The following SAMMSON variants were observed in gnomAD, a reference collection of about 807,000 sequenced individuals.
The protein encoded by SAMMSON is long intergenic non-protein coding RNA 1212.
At chr3:70,199,301 C>T (rs932296055) in intron 4 of SAMMSON, among the ~76,000 whole-genome samples, 3 of 152,100 alleles carry the variant, frequency 2.0e-5, no homozygotes, top group African/African-American at 7.2e-5. Context: ...GGTTCAATTG[C>T]TCTTGCCAAT....
intron 4 of SAMMSON, among the ~76,000 whole-genome samples, chr3:70,160,550 T>C (rs2067610635): frequency 6.6e-6 from 1 of 152,112 alleles, no homozygotes; most frequent in Non-Finnish European, 1.5e-5. Context: ...CTTTGATCCA[T>C]ATGTCTGTCC....
intron 8 of SAMMSON, chr3:70,358,211 G>A (rs983793617): frequency 1.3e-5 from 2 of 151,912 alleles, no homozygotes; most frequent in Non-Finnish European, 2.9e-5. Flanking sequence ...CTACATTTTT[G>A]CCATTATCTT....
chr3:70,270,848 C>A (rs1701969235), intron 6 of SAMMSON, among the ~76,000 whole-genome samples: 1 of 151,962 alleles, frequency 6.6e-6, no homozygotes, highest in South Asian at 2.1e-4. Flanking sequence ...AACACATGGA[C>A]ACAGGGAGGG....
At chr3:70,017,221 A>C (rs1576097444) in intron 3 of SAMMSON, among the ~76,000 whole-genome samples, 1 of 152,206 alleles carries the variant, frequency 6.6e-6, no homozygotes, top group East Asian at 1.9e-4. Context: ...ACCCATGAGC[A>C]TGGAATGTTA....
At chr3:70,255,258 C>A (rs1015927076) in intron 6 of SAMMSON, among the ~76,000 whole-genome samples, 1 of 152,210 alleles carries the variant, frequency 6.6e-6, no homozygotes, top group East Asian at 1.9e-4. Context: ...ACCAATGACA[C>A]ATAAATTTTT....
At chr3:70,064,677 G>T (rs1368749935) in intron 3 of SAMMSON, among the ~76,000 whole-genome samples, 4 of 152,126 alleles carry the variant, frequency 2.6e-5, no homozygotes, top group Non-Finnish European at 5.9e-5. Flanking sequence ...GCTGTTAGAG[G>T]CAGGAGCAGA....
At chr3:70,219,062 A>C (rs1701439168) in intron 4 of SAMMSON, among the ~76,000 whole-genome samples, 1 of 152,192 alleles carries the variant, frequency 6.6e-6, no homozygotes, top group Non-Finnish European at 1.5e-5. Context: ...GGTTTAAAAA[A>C]ATTATTTCTA....
At chr3:70,240,299 C>G (rs1403717082) in intron 4 of SAMMSON, among the ~76,000 whole-genome samples, 5 of 151,582 alleles carry the variant, frequency 3.3e-5, no homozygotes, top group African/African-American at 7.3e-5. Context: ...GGAAAAAAAA[C>G]AGTAGCTAAG....
downstream of SAMMSON, among the ~76,000 whole-genome samples, chr3:70,393,775 C>G (rs1025697101): frequency 2.0e-5 from 3 of 152,022 alleles, no homozygotes; most frequent in Admixed American, 6.6e-5. Flanking sequence ...CCAAGCAGAG[C>G]AAACTCATAA....
At chr3:70,045,326 T>C (rs1213339791) in intron 3 of SAMMSON, among the ~76,000 whole-genome samples, 3 of 150,192 alleles carry the variant, frequency 2.0e-5, no homozygotes, top group South Asian at 2.1e-4. Context: ...GAATCACCCA[T>C]CGAAACAATT....
chr3:70,199,297 A>G (rs1165842724), intron 4 of SAMMSON, among the ~76,000 whole-genome samples: 2 of 152,086 alleles, frequency 1.3e-5, no homozygotes, highest in Admixed American at 6.5e-5. Flanking sequence ...TTTTGGTTCA[A>G]TTGCTCTTGC....
intron 4 of SAMMSON, among the ~76,000 whole-genome samples, chr3:70,164,043 A>C (rs1008811679): frequency 7.2e-5 from 11 of 152,020 alleles, no homozygotes; most frequent in African/African-American, 2.7e-4. Context: ...ATAAGAGTTG[A>C]TTAATTGGAG....
At chr3:70,176,128 C>A (rs1296787597) in intron 4 of SAMMSON, among the ~76,000 whole-genome samples, 3 of 152,008 alleles carry the variant, frequency 2.0e-5, no homozygotes, top group Non-Finnish European at 2.9e-5. Flanking sequence ...GTAAAAATCC[C>A]ATTTGTTCAC....
chr3:70,073,941 C>G (rs1391305092), intron 4 of SAMMSON, among the ~76,000 whole-genome samples: 2 of 151,966 alleles, frequency 1.3e-5, no homozygotes. Context: ...TTAGATGTGA[C>G]CTTGTAAGTA....
At chr3:70,013,206 T>G (rs904772701) in intron 2 of SAMMSON, among the ~76,000 whole-genome samples, 2 of 152,182 alleles carry the variant, frequency 1.3e-5, no homozygotes, top group African/African-American at 4.8e-5. Flanking sequence ...CGAATTTGTC[T>G]AGGTTTTGAC....
chr3:70,141,684 C>G (rs1360011961), intron 4 of SAMMSON, among the ~76,000 whole-genome samples: 1 of 152,170 alleles, frequency 6.6e-6, no homozygotes, highest in Non-Finnish European at 1.5e-5. Context: ...CAGTTTCAAA[C>G]ATATTATTTC....
chr3:70,366,680 G>C (rs9681834), intron 9 of SAMMSON, among the ~76,000 whole-genome samples: 1 of 150,932 alleles, frequency 6.6e-6, no homozygotes, highest in African/African-American at 2.4e-5. Context: ...ACATAACTTT[G>C]CAAATCAATT....
intron 4 of SAMMSON, among the ~76,000 whole-genome samples, chr3:70,108,269 C>T (rs1388616349): frequency 6.6e-6 from 1 of 151,922 alleles, no homozygotes; most frequent in Non-Finnish European, 1.5e-5. Flanking sequence ...GCCCTGGTGG[C>T]TTCCCCTGGA....
At chr3:70,344,278 G>C (rs1235380250) in intron 7 of SAMMSON, among the ~76,000 whole-genome samples, 4 of 152,118 alleles carry the variant, frequency 2.6e-5, no homozygotes, top group Non-Finnish European at 5.9e-5. Flanking sequence ...CAGAATAGCA[G>C]AAGAATGGCA....
Sources: allele counts gnomAD v4.1 joint callset (sites outside exome capture counted in the v4.1 genomes callset), GRCh38; gene constraint gnomAD v4.1.1; transcripts MANE v1.5; gene names NCBI Gene and HGNC (gene_info 2026-07-23, HGNC 2026-07-21).